Variants in BATF observed in about 807,000 individuals in gnomAD.
The protein encoded by BATF is basic leucine zipper transcriptional factor ATF-like.
In BATF, 5 loss-of-function variants were observed where a neutral mutation model predicts 13.7. That is an observed-to-expected ratio of 0.36 (90% CI 0.19 to 0.77). The LOEUF is 0.77. Ranked by LOEUF, BATF falls within the 30% of genes least tolerant of loss-of-function variation. BATF has a pLI of 0.51. For synonymous variants in BATF, 72 were observed against 67.5 expected (o/e 1.07, Z -0.33); for missense variants, 124 against 163.0 (o/e 0.76, Z 1.30).
intron 2 of BATF, among the ~76,000 whole-genome samples, 165 bp downstream of exon 2, chr14:75,525,353 C>T (rs943886173): frequency 5.9e-5 from 9 of 151,732 alleles, no homozygotes; most frequent in African/African-American, 1.2e-4. Context: ...GGGAAGCTGT[C>T]GTGAGAGTGC....
chr14:75,546,955 G>A lies in BATF; in HGVS notation c.*284G>A, dbSNP rs1249151327. On this transcript the variant is annotated 3_prime_UTR_variant, in exon 3 of 3. Transcript: ENST00000286639. ...CCATGGCACAGAGCAAGGCGGGCAG[G>A]GAACGGTTATTTTTCTAAATAAATG... is the stretch of plus-strand genomic sequence containing the variant. 5 of 702,938 alleles carry A rather than the reference G, an allele frequency of 7.1e-6. No individual in the cohort carries two copies. The highest frequency in any genetic ancestry group is 3.0e-5 in the South Asian group (2 of 67,602). The allele number at this position is 702,938 out of a possible 1,614,324, so 43.5% of individuals were successfully genotyped here. A position where few individuals can be genotyped will look rare whatever the true frequency, so the allele number is the denominator to read the frequency against.
chr14:75,522,884 A>G (rs1887594028), intron 1 of BATF, 139 bp downstream of exon 1: 1 of 994,812 alleles, frequency 1.0e-6, no homozygotes, highest in African/African-American at 1.6e-5. Context: ...GACTTAGGAC[A>G]TGGAATTTGC....
At chr14:75,538,880 G>C (rs527266909) in intron 2 of BATF, among the ~76,000 whole-genome samples, 12 of 152,336 alleles carry the variant, frequency 7.9e-5, no homozygotes, top group African/African-American at 2.9e-4. Context: ...CAGCCTGGGC[G>C]ACAGAGCGAG....
intron 2 of BATF, among the ~76,000 whole-genome samples, chr14:75,535,280 G>A (rs528192920): frequency 7.9e-5 from 12 of 152,156 alleles, no homozygotes; most frequent in Admixed American, 4.6e-4. Flanking sequence ...TTAGCCAGGC[G>A]TGGTAGCTTG....
chr14:75,524,132 A>G (rs1373708487), intron 1 of BATF, among the ~76,000 whole-genome samples: 1 of 152,142 alleles, frequency 6.6e-6, no homozygotes, highest in African/African-American at 2.4e-5. Context: ...ACAGGGCATG[A>G]GTTGCCAGGA....
At chr14:75,532,586 G>A (rs1595005088) in intron 2 of BATF, among the ~76,000 whole-genome samples, 1 of 152,204 alleles carries the variant, frequency 6.6e-6, no homozygotes, top group Middle Eastern at 3.4e-3. Flanking sequence ...AGAGTTTGAA[G>A]AAAAAATAAT....
At chr14:75,526,798 C>T (rs1183757554) in intron 2 of BATF, among the ~76,000 whole-genome samples, 1 of 152,194 alleles carries the variant, frequency 6.6e-6, no homozygotes, top group Non-Finnish European at 1.5e-5. Flanking sequence ...CCACCTTAAG[C>T]TTGAACATCT....
chr14:75,546,121 T>C (rs1435973952), intron 2 of BATF, among the ~76,000 whole-genome samples: 3 of 152,042 alleles, frequency 2.0e-5, no homozygotes, highest in Non-Finnish European at 2.9e-5. Context: ...CTCGGCCTCC[T>C]AAAGGGCTAG....
intron 2 of BATF, among the ~76,000 whole-genome samples, chr14:75,540,958 GC>G (rs1226165058): frequency 1.3e-5 from 2 of 152,190 alleles, no homozygotes. Context: ...GTATTGGCGG[GC>G]ACCTGTAACC....
chr14:75,537,855 ATCAGTAGTT>A (rs1377937981), intron 2 of BATF, among the ~76,000 whole-genome samples: 1 of 152,168 alleles, frequency 6.6e-6, no homozygotes, highest in Admixed American at 6.5e-5. Context: ...CTTTAAGGAT[ATCAGTAGTT>A]TCAGGGGCTT....
intron 2 of BATF, among the ~76,000 whole-genome samples, chr14:75,525,607 C>T (rs986587932): frequency 1.3e-4 from 19 of 148,568 alleles, no homozygotes; most frequent in African/African-American, 4.3e-4. Flanking sequence ...TGCAGTGAGC[C>T]GAGATCGCGC....
At position 75,522,796 on chromosome 14, in the gene BATF, G is replaced by A. The variant is rs371388643; in HGVS notation, c.63+51G>A. On this transcript the variant is annotated intron_variant, in intron 1 of 2. Transcript: ENST00000286639. ...TACCTTCTGATTCTCCTGGGGGATGGAAAGAGAGCCAGGCTTCCTTGTCCT... is the reference window on the plus strand; with the variant it reads ...TACCTTCTGATTCTCCTGGGGGATGAAAAGAGAGCCAGGCTTCCTTGTCCT... 8.1e-4 allele frequency: 1,304 copies of A among 1,608,608 alleles called. 2 individuals carry two copies. Among genetic ancestry groups the A allele is most frequent in the Non-Finnish European group, 1.1e-3 (1,241 of 1,175,166 alleles).
intron 2 of BATF, among the ~76,000 whole-genome samples, chr14:75,529,692 A>T (rs1887704203): frequency 6.6e-6 from 1 of 152,234 alleles, no homozygotes; most frequent in African/African-American, 2.4e-5. Context: ...TATCTGTAAT[A>T]CATATGACCA....
chr14:75,535,159 C>A (rs1281650709), intron 2 of BATF, among the ~76,000 whole-genome samples: 1 of 152,112 alleles, frequency 6.6e-6, no homozygotes, highest in African/African-American at 2.4e-5. Context: ...ATGGTTCATG[C>A]CTGTAATCCC....
Position 75,525,614 on chromosome 14 carries a change from G to A in BATF, c.168+426G>A, listed in dbSNP as rs562323921. 1.7e-4 allele frequency among the ~76,000 whole-genome samples: 25 copies of A among 149,448 alleles called. 1 individual carries two copies. The South Asian group carries it at 4.9e-3, about 29-fold the overall frequency. The stretch of plus-strand genomic sequence containing the variant: ...GCAGAGGTTGCAGTGAGCCGAGATC[G>A]CGCCATTGCATTCAAACCTGGGTGA... On this transcript the variant is annotated intron_variant, in intron 2 of 2. Coordinates refer to ENST00000286639, the MANE Select transcript of BATF (RefSeq NM_006399.5).
At chr14:75,535,619 G>A (rs566571230) in intron 2 of BATF, among the ~76,000 whole-genome samples, 1 of 152,120 alleles carries the variant, frequency 6.6e-6, no homozygotes, top group Non-Finnish European at 1.5e-5. Flanking sequence ...TACTGAGCTC[G>A]AATTTGGGGA....
chr14:75,529,053 C>T (rs1430804160), intron 2 of BATF, among the ~76,000 whole-genome samples: 2 of 151,872 alleles, frequency 1.3e-5, no homozygotes, highest in Non-Finnish European at 2.9e-5. Flanking sequence ...AATGAGATCC[C>T]AATAAAAAAC....
chr14:75,545,249 T>C (rs909869028), intron 2 of BATF, among the ~76,000 whole-genome samples: 1 of 152,082 alleles, frequency 6.6e-6, no homozygotes, highest in African/African-American at 2.4e-5. Flanking sequence ...TGAGATGGAG[T>C]CTTGCTTTGT....
chr14:75,525,067 C>G lies in BATF; in HGVS notation c.64-17C>G. The G allele has an allele frequency of 6.3e-7, 1 of 1,599,672 alleles. No individual in the cohort carries two copies. Among genetic ancestry groups the G allele is most frequent in the Non-Finnish European group, 8.5e-7 (1 of 1,169,766 alleles). On this transcript the variant is annotated splice_polypyrimidine_tract_variant and intron_variant, in intron 1 of 2. Coordinates refer to ENST00000286639, the MANE Select transcript of BATF (RefSeq NM_006399.5). ...GAGATGCAGACCCATGTAATCCTCC[C>G]CGTCTCTGCTTCCCAGGACTCATCT...
Sources: gnomAD v4.1 joint callset for allele counts (sites outside exome capture counted in the v4.1 genomes callset) on GRCh38, gnomAD v4.1.1 for gene constraint, MANE v1.5 for transcripts, NCBI Gene and HGNC (gene_info 2026-07-23, HGNC 2026-07-21) for gene names.